Variants in SYT12 observed in about 807,000 individuals in gnomAD.
SYT12 encodes synaptotagmin 12, also known as synaptotagmin-12.
Under a neutral mutation model 39.5 loss-of-function variants are expected in SYT12, and 27 were observed. The observed-to-expected ratio is 0.68, with a 90% CI of 0.50 to 0.94. SYT12 has a LOEUF of 0.94. Among genes scored for constraint, SYT12 ranks in the 40% least tolerant of loss-of-function variants. SYT12 has a pLI of 0.00. For synonymous variants in SYT12, 233 were observed against 239.7 expected (o/e 0.97, Z 0.26); for missense variants, 536 against 572.6 (o/e 0.94, Z 0.65).
chr11:67,038,618 C>T (rs1298607414), intron 3 of SYT12, among the ~76,000 whole-genome samples: 1 of 152,162 alleles, frequency 6.6e-6, no homozygotes, highest in Non-Finnish European at 1.5e-5. Context: ...TTGCTAGCTG[C>T]TTTTCCTTTT....
intron 2 of SYT12, chr11:67,030,403 G>C (rs1950243720): frequency 1.9e-6 from 1 of 525,266 alleles, no homozygotes; most frequent in Non-Finnish European, 3.4e-6. Flanking sequence ...GCTCCTTCTT[G>C]TTAAAGTGAC....
chr11:67,042,520 T>A (rs1461428418), intron 4 of SYT12, among the ~76,000 whole-genome samples: 2 of 152,136 alleles, frequency 1.3e-5, no homozygotes, highest in East Asian at 3.9e-4. Flanking sequence ...GGAAAGTGCT[T>A]TGCCCAAGAC....
upstream of SYT12, among the ~76,000 whole-genome samples, chr11:67,020,822 G>A (rs1180604739): frequency 1.3e-5 from 2 of 152,126 alleles, no homozygotes; most frequent in African/African-American, 2.4e-5. Context: ...TCCACCTCCT[G>A]GGTTCAAGCG....
intron 2 of SYT12, 154 bp downstream of exon 2, chr11:67,030,332 C>T: frequency 9.9e-6 from 8 of 810,502 alleles, no homozygotes; most frequent in Admixed American, 2.5e-5. Flanking sequence ...GGTCAGACAG[C>T]CCGCCCTGGG....
chr11:67,031,846 C>T (rs1004617736), intron 2 of SYT12: 4 of 152,316 alleles, frequency 2.6e-5, no homozygotes, highest in African/African-American at 9.7e-5. Flanking sequence ...GCTTAGAGAC[C>T]TTGGGCCTCT....
At chr11:67,019,760 T>TG (rs1950089777), upstream of SYT12, among the ~76,000 whole-genome samples, 1 of 151,786 alleles carries the variant, frequency 6.6e-6, no homozygotes, top group Non-Finnish European at 1.5e-5. Context: ...TAGCCATGCG[T>TG]GGTGGCGTGA....
At position 67,043,845 on chromosome 11, in the gene SYT12, C is replaced by A; in HGVS notation, c.829C>A (p.Gln277Lys). ...PFSGWLYLQD[Q>K]NKAADAVGEI... ...CAGTGGCTGGCTCTATTTACAGGAC[C>A]AGAACAAGGTAAGTGACTTGCCTGC... Residue 277 changes from glutamine (Q) to lysine (K), a missense_variant, in exon 5 of 8, where the codon CAG becomes AAG. Physicochemically the swap from Gln to Lys is moderately conservative, Grantham distance 53. Transcript: ENST00000527043. 1.2e-6 allele frequency: 2 copies of A among 1,613,990 alleles called. No homozygotes were observed. The highest frequency in any genetic ancestry group is 1.7e-6 in the Non-Finnish European group (2 of 1,180,014).
At position 67,034,688 on chromosome 11, in the gene SYT12, A is replaced by G. The variant is rs747314661; in HGVS notation, c.78A>G (p.Ala26=). 4.4e-6 allele frequency: 7 copies of G among 1,602,552 alleles called. No homozygotes were observed. Among genetic ancestry groups the G allele is most frequent in the Non-Finnish European group, 5.1e-6 (6 of 1,175,556 alleles). ...PPGWEVGVYA[A]GALALLGIAA... ...GCTGGGAGGTGGGTGTCTATGCTGC[A>G]GGGGCCCTGGCCCTGCTGGGAATCG... Residue 26 remains alanine (A), a synonymous_variant, in exon 3 of 8, where the codon GCA becomes GCG. Coordinates refer to ENST00000527043, the MANE Select transcript of SYT12 (RefSeq NM_177963.4).
chr11:67,018,091 G>A (rs935691137), intron 3 of SYT12, among the ~76,000 whole-genome samples: 9 of 151,870 alleles, frequency 5.9e-5, no homozygotes, highest in African/African-American at 1.7e-4. Context: ...GTGAAACCCC[G>A]TCTCTACTAA....
chr11:67,043,056 A>C (rs1950544677), intron 4 of SYT12, among the ~76,000 whole-genome samples: 1 of 152,158 alleles, frequency 6.6e-6, no homozygotes, highest in African/African-American at 2.4e-5. Flanking sequence ...TATTCCCCAG[A>C]GACAGAGCCC....
chr11:67,041,968 C>T (rs1047981599), intron 4 of SYT12, among the ~76,000 whole-genome samples: 4 of 152,196 alleles, frequency 2.6e-5, no homozygotes, highest in African/African-American at 9.7e-5. Context: ...ACCAAGCCAA[C>T]AGAGCCACAT....
At chr11:67,033,881 G>A (rs1310603234) in intron 2 of SYT12, among the ~76,000 whole-genome samples, 1 of 152,204 alleles carries the variant, frequency 6.6e-6, no homozygotes, top group Non-Finnish European at 1.5e-5. Context: ...GCCTGCCACA[G>A]TTGAGGAGGT....
intron 2 of SYT12, chr11:67,031,924 A>G (rs1950274720): frequency 6.6e-6 from 1 of 152,262 alleles, no homozygotes; most frequent in African/African-American, 2.4e-5. Context: ...CAGGACTCCC[A>G]GAATACACCA....
In SYT12 at chr11:67,011,473, C is replaced by A. The variant is rs1378952774; in HGVS notation, c.-69+479C>A. 2.0e-5 allele frequency among the ~76,000 whole-genome samples: 3 copies of A among 152,164 alleles called. No homozygotes were observed. In the East Asian group the frequency reaches 5.8e-4, roughly 29 times the overall value. ...GGTCAGGCTGATCTCGAACTCCTGA[C>A]CTCAGGTGATCCGCCCGCCTGGGCC... is the stretch of plus-strand genomic sequence containing the variant. On this transcript the variant is annotated intron_variant, in intron 3 of 10. Coordinates refer to the SYT12 transcript ENST00000393946.
Position 67,015,555 on chromosome 11 carries a change from C to T in SYT12, c.-69+4561C>T, listed in dbSNP as rs1248477440. Among the ~76,000 whole-genome samples, 6 of 152,146 alleles carry T rather than the reference C, an allele frequency of 3.9e-5. No homozygotes were observed. In the East Asian group the frequency reaches 9.6e-4, roughly 24 times the overall value. ...GCTTTCTCTCCTCGGGAGAGAAAAG[C>T]GCTCAGGACTTGGAGCCAGGACTGG... On this transcript the variant is annotated intron_variant, in intron 3 of 10. Coordinates refer to the SYT12 transcript ENST00000393946.
intron 7 of SYT12, among the ~76,000 whole-genome samples, chr11:67,047,383 T>G (rs1409538767): frequency 6.7e-6 from 1 of 149,338 alleles, no homozygotes; most frequent in Non-Finnish European, 1.5e-5. Flanking sequence ...TTCTCCTGCC[T>G]CAGCCTCCCG....
chr11:67,029,587 C>CCAAAT (rs1950229503), intron 1 of SYT12: 1 of 152,412 alleles, frequency 6.6e-6, no homozygotes, highest in African/African-American at 2.4e-5. Flanking sequence ...GGCGCTGTGG[C>CCAAAT]TCACACCTGT....
At chr11:67,027,620 A>G (rs2136206881) in intron 1 of SYT12, 1 of 152,112 alleles carries the variant, frequency 6.6e-6, no homozygotes, top group African/African-American at 2.4e-5. Flanking sequence ...AAGGGAGAGG[A>G]AAGAACAGAC....
intron 1 of SYT12, among the ~76,000 whole-genome samples, chr11:67,025,091 C>T (rs1950163365): frequency 6.6e-6 from 1 of 152,156 alleles, no homozygotes; most frequent in Non-Finnish European, 1.5e-5. Flanking sequence ...GAGCCCAGGC[C>T]CAGATCCATT....
Sources: gnomAD v4.1 joint callset for allele counts (sites outside exome capture counted in the v4.1 genomes callset) on GRCh38, gnomAD v4.1.1 for gene constraint, MANE v1.5 for transcripts, NCBI Gene and HGNC (gene_info 2026-07-23, HGNC 2026-07-21) for gene names.